The following PXK variants were observed in gnomAD, a reference collection of about 807,000 sequenced individuals.
The protein encoded by PXK is PX domain-containing protein kinase-like protein.
PXK carries 35 observed loss-of-function variants against 84.7 expected under a neutral mutation model. That is an observed-to-expected ratio of 0.41 (90% CI 0.32 to 0.55). The LOEUF (loss-of-function observed/expected upper bound fraction) is 0.55, where lower values mean the gene tolerates loss of function less well. PXK is among the 20% of genes least tolerant of loss of function. The probability of loss-of-function intolerance (pLI) is 0.21; values close to 1 mark genes in which losing one functional copy is unlikely to be tolerated. For synonymous variants in PXK, 253 were observed against 260.8 expected (o/e 0.97, Z 0.29); for missense variants, 634 against 699.7 (o/e 0.91, Z 1.06).
At chr3:58,395,617 C>T (rs377449882) in intron 8 of PXK, 41 bp from the exon 9 acceptor site, 5 of 1,472,892 alleles carry the variant, frequency 3.4e-6, no homozygotes, top group Non-Finnish European at 4.7e-6. Flanking sequence ...GATATTGGCC[C>T]CTCTGCTGCT....
chr3:58,345,839 G>C (rs988500730), intron 1 of PXK, among the ~76,000 whole-genome samples: 1 of 152,156 alleles, frequency 6.6e-6, no homozygotes, highest in Non-Finnish European at 1.5e-5. Context: ...AAGCCTTATA[G>C]CCTTTAACGT....
rs2098541109 is a variant in PXK, at chr3:58,385,187, A to G, written c.388+2487A>G. On this transcript the variant is annotated intron_variant, in intron 4 of 17. Transcript: ENST00000356151. The surrounding 1 kb of genome is among the most constrained non-coding windows in gnomAD (Gnocchi z 5.1). ...TCAGGAGTCCAAAGCAGATGTGGGC[A>G]GGGGTATAAAAAGACCACCAGAAAC... 6.6e-6 allele frequency among the ~76,000 whole-genome samples: 1 copy of G among 152,202 alleles called. No homozygotes were observed. Among genetic ancestry groups the G allele is most frequent in the African/African-American group, 2.4e-5 (1 of 41,466 alleles).
intron 16 of PXK, among the ~76,000 whole-genome samples, chr3:58,410,499 A>G (rs1038996076): frequency 6.6e-6 from 1 of 152,226 alleles, no homozygotes; most frequent in Non-Finnish European, 1.5e-5. Flanking sequence ...GCCTGCATGA[A>G]CAGAAATGAC....
chr3:58,371,483 AC>A (rs2098370141), intron 3 of PXK, among the ~76,000 whole-genome samples: 1 of 152,178 alleles, frequency 6.6e-6, no homozygotes, highest in African/African-American at 2.4e-5. Context: ...GCTCAAGCGA[AC>A]CTTTGCTTGT....
At chr3:58,342,983 C>A (rs1466548869) in intron 1 of PXK, among the ~76,000 whole-genome samples, 1 of 152,210 alleles carries the variant, frequency 6.6e-6, no homozygotes, top group African/African-American at 2.4e-5. Flanking sequence ...AATATTTAAA[C>A]AAGGCTGCTC....
intron 1 of PXK, among the ~76,000 whole-genome samples, chr3:58,341,600 C>T (rs2097732399): frequency 6.6e-6 from 1 of 152,066 alleles, no homozygotes; most frequent in South Asian, 2.1e-4. Context: ...AATTCACATA[C>T]CATATGAGTC....
intron 1 of PXK, among the ~76,000 whole-genome samples, chr3:58,340,594 C>T (rs1239224799): frequency 1.3e-5 from 2 of 151,984 alleles, no homozygotes; most frequent in African/African-American, 2.4e-5. Context: ...GGCGTGGTGG[C>T]GCATGCCTGT....
chr3:58,363,967 A>C (rs941252269), intron 1 of PXK, among the ~76,000 whole-genome samples: 2 of 152,084 alleles, frequency 1.3e-5, no homozygotes, highest in African/African-American at 4.8e-5. Context: ...GTTTTGCCAG[A>C]TGCTTTTTCT....
At chr3:58,367,924 A>G (rs2098299436) in intron 2 of PXK, among the ~76,000 whole-genome samples, 1 of 152,168 alleles carries the variant, frequency 6.6e-6, no homozygotes, top group Admixed American at 6.5e-5. Context: ...AGCTCGAGCA[A>G]TCCTCCTGCC....
chr3:58,387,562 A>G (rs1463680338), intron 4 of PXK, among the ~76,000 whole-genome samples: 1 of 152,142 alleles, frequency 6.6e-6, no homozygotes, highest in Non-Finnish European at 1.5e-5. Flanking sequence ...AAGTTGAAGG[A>G]AGGCTTCCCA....
In PXK at chr3:58,338,746, C is replaced by T. The variant is rs80119474; in HGVS notation, c.102+5656C>T. On this transcript the variant is annotated intron_variant, in intron 1 of 17. Coordinates refer to ENST00000356151, the MANE Select transcript of PXK (RefSeq NM_017771.5). ...TGTCCCCCAGGTGGGAGTGCAGTGG[C>T]GCGATCTCGGCTCACCGCAACCTCT... Among the ~76,000 whole-genome samples the T allele has an allele frequency of 6.0e-4, 89 of 149,046 alleles. 2 individuals are homozygous for T. The East Asian group carries it at 0.016, about 28-fold the overall frequency.
At chr3:58,418,943 T>G (rs1276028499) in intron 17 of PXK, among the ~76,000 whole-genome samples, 1 of 152,196 alleles carries the variant, frequency 6.6e-6, no homozygotes, top group East Asian at 1.9e-4. Context: ...GTTTATTTAA[T>G]AAGAGAAAAG....
chr3:58,384,164 C>G (rs2098530910), intron 4 of PXK, among the ~76,000 whole-genome samples: 1 of 152,222 alleles, frequency 6.6e-6, no homozygotes, highest in Non-Finnish European at 1.5e-5. Flanking sequence ...AGGCTGGTGA[C>G]TCACAGTGTG....
chr3:58,388,478 T>G (rs918620800), intron 4 of PXK, among the ~76,000 whole-genome samples: 1 of 152,254 alleles, frequency 6.6e-6, no homozygotes, highest in Admixed American at 6.5e-5. Flanking sequence ...TAAGTTTCTT[T>G]ATGTTCGAGT....
rs566740253 is a variant in PXK, at chr3:58,339,049, T to C, written c.102+5959T>C. On this transcript the variant is annotated intron_variant, in intron 1 of 17. Coordinates refer to ENST00000356151, the MANE Select transcript of PXK (RefSeq NM_017771.5). ...AGTTATTTTCTGGGCATCTATTCTA[T>C]GTGGTTATGTATTTTTCCCCACTTG... Among the ~76,000 whole-genome samples, 10 of 152,284 alleles carry C rather than the reference T, an allele frequency of 6.6e-5. No homozygotes were observed. The South Asian group carries it at 1.9e-3, about 28-fold the overall frequency.
At chr3:58,368,612 G>A (rs116671145) in intron 2 of PXK, among the ~76,000 whole-genome samples, 1 of 152,292 alleles carries the variant, frequency 6.6e-6, no homozygotes, top group South Asian at 2.1e-4. Context: ...ACAAGCCACT[G>A]TGCCCAGCCC....
intron 1 of PXK, among the ~76,000 whole-genome samples, chr3:58,359,032 C>T (rs1409882724): frequency 1.3e-5 from 2 of 152,092 alleles, no homozygotes; most frequent in Non-Finnish European, 2.9e-5. Context: ...AATCATTTCC[C>T]CAGCATGAAC....
chr3:58,391,056 A>C lies in PXK; in HGVS notation c.467-91A>C, dbSNP rs144013535. 7 of 943,416 alleles carry C rather than the reference A, an allele frequency of 7.4e-6. No homozygotes were observed. In the East Asian group the frequency reaches 1.7e-4, roughly 23 times the overall value. The allele number at this position is 943,416 out of a possible 1,614,324, so 58.4% of individuals were successfully genotyped here. A position where few individuals can be genotyped will look rare whatever the true frequency, so the allele number is the denominator to read the frequency against. On this transcript the variant is annotated intron_variant, in intron 5 of 17. Transcript: ENST00000356151. ...TATGTAGCTGCGAATAATATTGCCA[A>C]ACTTAATTTTTCTTGATTACCTAGT...
chr3:58,390,038 C>CGTGATG lies in PXK; in HGVS notation c.389-542_389-537dup. 6.9e-6 allele frequency among the ~76,000 whole-genome samples: 1 copy of CGTGATG among 144,262 alleles called. No homozygotes were observed. The highest frequency in any genetic ancestry group is 2.0e-4 in the East Asian group (1 of 4,940). 94.6% of individuals were successfully genotyped at this position (144,262 alleles called of 152,430 possible). A position where few individuals can be genotyped will look rare whatever the true frequency, so the allele number is the denominator to read the frequency against. ...AAAAAAAAAAAACAATTTAGCCAGGCGTGATGGCCCATGCTTGTAGTCCCA... is the reference window on the plus strand; with the variant it reads ...AAAAAAAAAAAACAATTTAGCCAGGCGTGATGGTGATGGCCCATGCTTGTAGTCCCA... On this transcript the variant is annotated intron_variant, in intron 4 of 17. Coordinates refer to ENST00000356151, the MANE Select transcript of PXK (RefSeq NM_017771.5). The surrounding 1 kb of genome is among the most constrained non-coding windows in gnomAD (Gnocchi z 4.2).
Sources: allele counts gnomAD v4.1 joint callset (sites outside exome capture counted in the v4.1 genomes callset), GRCh38; gene constraint gnomAD v4.1.1; non-coding constraint Gnocchi (gnomAD v3.1); transcripts MANE v1.5; gene names NCBI Gene and HGNC (gene_info 2026-07-23, HGNC 2026-07-21).